CHD1L: variants seen among roughly 807,000 people sequenced by gnomAD.
CHD1L encodes the protein chromodomain helicase DNA binding protein 1 like, also known as ATP-dependent chromatin remodeler CHD1L.
In CHD1L, 118 loss-of-function variants were observed where a neutral mutation model predicts 115.9. The ratio of observed to expected loss-of-function variants is 1.02; its 90% CI spans 0.88 to 1.19. The LOEUF (loss-of-function observed/expected upper bound fraction) is 1.19, where lower values mean the gene tolerates loss of function less well. Among genes scored for constraint, CHD1L ranks in the 50% most tolerant of loss-of-function variants. The pLI, the probability that CHD1L is intolerant of heterozygous loss-of-function variation, is 0.00. For missense variants in CHD1L, 1,179 were observed against 1,065.3 expected (o/e 1.11, Z -1.49); for synonymous variants, 411 against 387.1 (o/e 1.06, Z -0.72).
At chr1:147,272,706 A>G (rs1191471619) in intron 12 of CHD1L, among the ~76,000 whole-genome samples, 1 of 152,206 alleles carries the variant, frequency 6.6e-6, no homozygotes, top group Non-Finnish European at 1.5e-5. Flanking sequence ...ACAAAAATCT[A>G]GTTGTTAAAA....
At chr1:147,291,203 C>G (rs1685399102) in intron 19 of CHD1L, among the ~76,000 whole-genome samples, 1 of 152,122 alleles carries the variant, frequency 6.6e-6, no homozygotes, top group East Asian at 1.9e-4. Flanking sequence ...CCCAAAGCCC[C>G]CCAGCTACCT....
chr1:147,189,071 T>C, the CHD1L span, among the ~76,000 whole-genome samples: 3 of 151,854 alleles, frequency 2.0e-5, no homozygotes, highest in Admixed American at 2.0e-4. Flanking sequence ...GTCAGGAGTT[T>C]GAGACCAGCC....
the CHD1L span, among the ~76,000 whole-genome samples, chr1:147,180,185 G>A: frequency 3.3e-5 from 5 of 152,236 alleles, no homozygotes; most frequent in South Asian, 2.1e-4. Flanking sequence ...AAGTACATGA[G>A]GAAGTCCAGT....
At chr1:147,178,781 C>G in the CHD1L span, 3 of 1,603,986 alleles carry the variant, frequency 1.9e-6, no homozygotes, top group Non-Finnish European at 2.6e-6. Context: ...GTGGCATATA[C>G]AGTGCAAAAA....
the CHD1L span, among the ~76,000 whole-genome samples, chr1:147,219,153 G>A: frequency 6.6e-6 from 1 of 152,180 alleles, no homozygotes; most frequent in Non-Finnish European, 1.5e-5. Flanking sequence ...TTTGAAGTCT[G>A]TGCAGGAACA....
intron 15 of CHD1L, among the ~76,000 whole-genome samples, chr1:147,281,119 T>A (rs149736874): frequency 6.6e-6 from 1 of 152,202 alleles, no homozygotes; most frequent in Non-Finnish European, 1.5e-5. Context: ...CACTTCTAAG[T>A]TGTCTCTCTC....
At chr1:147,179,414 T>C in the CHD1L span, 6 of 1,596,782 alleles carry the variant, frequency 3.8e-6, no homozygotes, top group East Asian at 1.3e-4. Flanking sequence ...ATAGCCAAGA[T>C]GGATGCCACA....
intron 19 of CHD1L, among the ~76,000 whole-genome samples, chr1:147,290,687 CCT>C (rs1553969646): frequency 6.6e-6 from 1 of 151,888 alleles, no homozygotes; most frequent in African/African-American, 2.4e-5. Context: ...AGGGTCTCAC[CCT>C]GTCACCCAGG....
At chr1:147,232,636 T>G in the CHD1L span, among the ~76,000 whole-genome samples, 1 of 150,920 alleles carries the variant, frequency 6.6e-6, no homozygotes, top group Non-Finnish European at 1.5e-5. Flanking sequence ...GTGCCTGCGA[T>G]TGCAGGCACG....
chr1:147,224,917 A>G, the CHD1L span: 1 of 1,614,030 alleles, frequency 6.2e-7, no homozygotes, highest in Non-Finnish European at 8.5e-7. Context: ...GAGCCCTCCG[A>G]TGTCATCAGT....
At chr1:147,205,287 C>T in the CHD1L span, among the ~76,000 whole-genome samples, 958 of 152,134 alleles carry the variant, frequency 6.3e-3, 13 homozygotes, top group African/African-American at 0.022. Flanking sequence ...TTAACTTCAA[C>T]GGGAAAAAAT....
rs782304747 is a variant in CHD1L at position 147,267,405 on chromosome 1, CTCTT to C, written c.896-19_896-16del. On this transcript the variant is annotated splice_polypyrimidine_tract_variant and intron_variant, in intron 8 of 22. Transcript: ENST00000369258. ...CAGTAGGCCATCTCTTTCTGTCTCT[CTCTT>C]TTTTTTTAAATTTCAGATGCATTTG... is the stretch of plus-strand genomic sequence containing the variant. The C allele has an allele frequency of 1.3e-5, 20 of 1,587,578 alleles. No homozygotes were observed. The highest frequency in any genetic ancestry group is 1.7e-4 in the Middle Eastern group (1 of 6,022).
At position 147,242,780 on chromosome 1, in the gene CHD1L, C is replaced by T; in HGVS notation, c.77C>T (p.Ala26Val). 7.9e-7 allele frequency: 1 copy of T among 1,271,252 alleles called. No individual in the cohort carries two copies. The highest frequency in any genetic ancestry group is 1.0e-6 in the Non-Finnish European group (1 of 1,001,642). The allele number at this position is 1,271,252 out of a possible 1,614,324, so 78.7% of individuals were successfully genotyped here. Residue 26 changes from alanine to valine, a missense_variant, in exon 1 of 23, where the codon GCC becomes GTC. Transcript: ENST00000369258. ...CTGCGGCTTCATACTGAGGGCCGAG[C>T]CGAGGCGGCGCGGGTGCAGGAGCAG... ...FLLRLHTEGR[A>V]EAARVQEQDL...
intron 15 of CHD1L, 95 bp from the exon 16 acceptor site, chr1:147,284,256 C>CTATATTCTAGAATATAGGAGAAAAAG: frequency 1.0e-6 from 1 of 983,492 alleles, no homozygotes; most frequent in Non-Finnish European, 1.5e-6. Flanking sequence ...AGAATATAGG[C>CTATATTCTAGAATATAGGAGAAAAAG]TGTTCTCCTG....
intron 12 of CHD1L, among the ~76,000 whole-genome samples, chr1:147,273,693 C>G (rs1677170561): frequency 6.6e-6 from 1 of 152,146 alleles, no homozygotes; most frequent in Admixed American, 6.5e-5. Flanking sequence ...TTTGAAATGT[C>G]TAAAATTAGG....
rs1417974414 is a variant in CHD1L at position 147,265,940 on chromosome 1, C to G, written c.748C>G (p.Leu250Val). The stretch of plus-strand genomic sequence containing the variant: ...TTTTTTTTCTTATGTAGCAAGTGAA[C>G]TGCACAAACTCTTGCAGCCATTTCT... Reference protein sequence around the residue: ...IEKESESASELHKLLQPFLLR... With the variant: ...IEKESESASEVHKLLQPFLLR... Residue 250 changes from leucine (L) to valine (V), a missense_variant, in exon 8 of 23, where the codon CTG becomes GTG. Leu to Val is a conservative substitution (Grantham distance 32). Transcript: ENST00000369258. The G allele has an allele frequency of 1.9e-6, 3 of 1,607,968 alleles. No individual in the cohort carries two copies. Among genetic ancestry groups the G allele is most frequent in the Non-Finnish European group, 2.5e-6 (3 of 1,177,974 alleles).
At chr1:147,194,474 G>A in the CHD1L span, among the ~76,000 whole-genome samples, 1 of 152,098 alleles carries the variant, frequency 6.6e-6, no homozygotes, top group African/African-American at 2.4e-5. Flanking sequence ...TTGCCAGTCT[G>A]TGTATTTTAA....
the CHD1L span, chr1:147,212,561 TG>T: frequency 6.2e-7 from 1 of 1,603,136 alleles, no homozygotes; most frequent in Non-Finnish European, 8.5e-7. Context: ...AAATAATTAT[TG>T]GGTAATGGTT....
chr1:147,249,659 C>T (rs1667787590), intron 1 of CHD1L, among the ~76,000 whole-genome samples: 2 of 152,146 alleles, frequency 1.3e-5, no homozygotes, highest in Non-Finnish European at 2.9e-5. Context: ...CTGCCTCGGC[C>T]TCCCAAAGTG....
Sources: allele counts gnomAD v4.1 joint callset (sites outside exome capture counted in the v4.1 genomes callset), GRCh38; gene constraint gnomAD v4.1.1; transcripts MANE v1.5; gene names NCBI Gene and HGNC (gene_info 2026-07-23, HGNC 2026-07-21).